The following CHST11 variants were observed in gnomAD, a reference collection of about 807,000 sequenced individuals.
CHST11 encodes carbohydrate sulfotransferase 11, also known as C4S-1.
CHST11 carries 9 observed loss-of-function variants against 30.4 expected under a neutral mutation model. The observed-to-expected ratio is 0.30, with a 90% CI of 0.18 to 0.52. The LOEUF is 0.52. Among genes scored for constraint, CHST11 ranks in the 20% least tolerant of loss-of-function variants. The pLI is 0.97. For synonymous variants in CHST11, 152 were observed against 187.8 expected (o/e 0.81, Z 1.56); for missense variants, 348 against 460.6 (o/e 0.76, Z 2.24).
At chr12:104,669,351 A>T (rs1343526510) in intron 2 of CHST11, among the ~76,000 whole-genome samples, 2 of 152,192 alleles carry the variant, frequency 1.3e-5, no homozygotes, top group Admixed American at 6.5e-5. Flanking sequence ...TAAGGTATTT[A>T]TCGCTATTTG....
intron 1 of CHST11, among the ~76,000 whole-genome samples, chr12:104,569,462 A>G (rs1364128598): frequency 6.6e-6 from 1 of 152,226 alleles, no homozygotes; most frequent in Non-Finnish European, 1.5e-5. Context: ...TGTCCTGAGC[A>G]GTTACCTTCA....
chr12:104,706,395 A>C (rs977496183), intron 2 of CHST11, among the ~76,000 whole-genome samples: 1 of 149,076 alleles, frequency 6.7e-6, no homozygotes, highest in South Asian at 2.2e-4. Context: ...AAAACAAACA[A>C]ACAAAAACAG....
chr12:104,735,487 C>G (rs1158996523), intron 2 of CHST11, among the ~76,000 whole-genome samples: 1 of 152,142 alleles, frequency 6.6e-6, no homozygotes, highest in African/African-American at 2.4e-5. Flanking sequence ...AAAGGGGATA[C>G]CTGACTGATC....
chr12:104,679,755 A>C (rs1207686777), intron 2 of CHST11, among the ~76,000 whole-genome samples: 1 of 152,174 alleles, frequency 6.6e-6, no homozygotes, highest in Admixed American at 6.5e-5. Context: ...GGTAGAGCAC[A>C]GAGAAAGACG....
At chr12:104,534,633 C>T (rs751746976) in intron 1 of CHST11, among the ~76,000 whole-genome samples, 17 of 152,098 alleles carry the variant, frequency 1.1e-4, no homozygotes, top group Non-Finnish European at 2.2e-4. Flanking sequence ...TTTAATGTTT[C>T]CTCCCAGGAA....
At chr12:104,461,457 A>G (rs2037407111) in intron 1 of CHST11, among the ~76,000 whole-genome samples, 1 of 152,258 alleles carries the variant, frequency 6.6e-6, no homozygotes, top group Admixed American at 6.5e-5. Flanking sequence ...TACCTGCCCC[A>G]GATGGCTGGG....
intron 2 of CHST11, among the ~76,000 whole-genome samples, chr12:104,648,857 A>G (rs1376178183): frequency 1.3e-5 from 2 of 152,160 alleles, no homozygotes; most frequent in Admixed American, 6.6e-5. Context: ...CAAACCAGCA[A>G]GATCTGAGGC....
intron 2 of CHST11, among the ~76,000 whole-genome samples, chr12:104,695,247 C>T (rs529279357): frequency 2.0e-5 from 3 of 152,278 alleles, no homozygotes; most frequent in Non-Finnish European, 1.5e-5. Flanking sequence ...CTCGAATGCT[C>T]CTTATGTGCC....
intron 1 of CHST11, among the ~76,000 whole-genome samples, chr12:104,488,215 C>T (rs541448360): frequency 1.3e-5 from 2 of 152,210 alleles, no homozygotes; most frequent in Non-Finnish European, 1.5e-5. Flanking sequence ...ATGGGAACCA[C>T]GTTCAAAGGA....
intron 2 of CHST11, among the ~76,000 whole-genome samples, chr12:104,748,291 G>A (rs537770688): frequency 6.6e-6 from 1 of 152,166 alleles, no homozygotes; most frequent in African/African-American, 2.4e-5. Context: ...ATAAAGCTGT[G>A]GTTCTCAAAG....
At chr12:104,646,898 G>A (rs1023457147) in intron 2 of CHST11, among the ~76,000 whole-genome samples, 16 of 152,136 alleles carry the variant, frequency 1.1e-4, no homozygotes, top group African/African-American at 2.9e-4. Flanking sequence ...CTTATTCTGT[G>A]CTGGGTACCA....
At chr12:104,693,119 A>G (rs2136108714) in intron 2 of CHST11, among the ~76,000 whole-genome samples, 1 of 152,024 alleles carries the variant, frequency 6.6e-6, no homozygotes, top group South Asian at 2.1e-4. Context: ...CTTATGTCTC[A>G]ATTTCCTCTT....
chr12:104,626,159 T>C (rs1308720372), intron 2 of CHST11, among the ~76,000 whole-genome samples: 1 of 152,196 alleles, frequency 6.6e-6, no homozygotes, highest in Non-Finnish European at 1.5e-5. Flanking sequence ...TAGCTGTGGG[T>C]TCCTTTTACA....
chr12:104,541,941 A>C (rs1270954810), intron 1 of CHST11, among the ~76,000 whole-genome samples: 1 of 152,260 alleles, frequency 6.6e-6, no homozygotes, highest in Non-Finnish European at 1.5e-5. Context: ...AAAGACTGTC[A>C]GCTACCAGTT....
In CHST11 at chr12:104,530,354, T is replaced by C. The variant is rs558395484; in HGVS notation, c.119-71552T>C. 2.3e-3 allele frequency among the ~76,000 whole-genome samples: 357 copies of C among 152,358 alleles called. 3 individuals are homozygous for C. Among genetic ancestry groups the C allele is most frequent in the African/African-American group, 8.3e-3 (344 of 41,580 alleles). On this transcript the variant is annotated intron_variant, in intron 1 of 2. Coordinates refer to ENST00000303694, the MANE Select transcript of CHST11 (RefSeq NM_018413.6). Reference sequence around the variant, plus strand: ...CGTCCTCACTTCTTATTTGATCCCCTTATTCTCCATTTTAGCCCATGTTAG... The same window carrying C: ...CGTCCTCACTTCTTATTTGATCCCCCTATTCTCCATTTTAGCCCATGTTAG...
intron 1 of CHST11, among the ~76,000 whole-genome samples, chr12:104,558,157 C>T (rs1430131599): frequency 6.6e-6 from 1 of 152,192 alleles, no homozygotes; most frequent in Non-Finnish European, 1.5e-5. Context: ...GCCTCTTTGC[C>T]TCCCCCAGCA....
chr12:104,647,432 A>G lies in CHST11; in HGVS notation c.204+45441A>G, dbSNP rs561218076. Among the ~76,000 whole-genome samples, 44 of 152,304 alleles carry G rather than the reference A, an allele frequency of 2.9e-4. No homozygotes were observed. The East Asian group carries it at 7.1e-3, about 25-fold the overall frequency. ...AAAATGATCATTTTGGAAAACACAG[A>G]AAGACTGAAAGGAAAATTGGAAGGA... On this transcript the variant is annotated intron_variant, in intron 2 of 2. Transcript: ENST00000303694.
chr12:104,515,357 A>G (rs2038012278), intron 1 of CHST11, among the ~76,000 whole-genome samples: 1 of 152,224 alleles, frequency 6.6e-6, no homozygotes. Flanking sequence ...AAAATGTGCC[A>G]GCCCCTGATG....
chr12:104,684,831 G>A (rs1200138803), intron 2 of CHST11, among the ~76,000 whole-genome samples: 1 of 152,208 alleles, frequency 6.6e-6, no homozygotes, highest in African/African-American at 2.4e-5. Flanking sequence ...TTACAGGCAT[G>A]AGCCACCACC....
Sources: gnomAD v4.1 joint callset for allele counts (sites outside exome capture counted in the v4.1 genomes callset) on GRCh38, gnomAD v4.1.1 for gene constraint, MANE v1.5 for transcripts, NCBI Gene and HGNC (gene_info 2026-07-23, HGNC 2026-07-21) for gene names.